The following B3GALT1 variants were observed in gnomAD, a reference collection of about 807,000 sequenced individuals.
B3GALT1 encodes UDP-Gal:betaGlcNAc beta 1,3-galactosyltransferase, polypeptide 1.
B3GALT1 carries 10 observed loss-of-function variants against 23.2 expected under a neutral mutation model. The ratio of observed to expected loss-of-function variants is 0.43; its 90% CI spans 0.27 to 0.73. B3GALT1 has a LOEUF of 0.73. B3GALT1 is among the 30% of genes least tolerant of loss of function. The probability of loss-of-function intolerance (pLI) is 0.21; values close to 1 mark genes in which losing one functional copy is unlikely to be tolerated. For synonymous variants in B3GALT1, 156 were observed against 141.5 expected, an observed-to-expected ratio of 1.10 and a Z score of -0.73; for missense variants, 299 against 405.4, an observed-to-expected ratio of 0.74 and a Z score of 2.25.
intron 3 of B3GALT1, among the ~76,000 whole-genome samples, chr2:167,750,307 G>A (rs1687715400): frequency 1.3e-5 from 2 of 152,278 alleles, no homozygotes; most frequent in South Asian, 2.1e-4. Context: ...TAGCAGCAGG[G>A]TGTGGCCAGA....
chr2:167,634,817 A>G (rs1685519639), intron 2 of B3GALT1, among the ~76,000 whole-genome samples: 1 of 152,134 alleles, frequency 6.6e-6, no homozygotes, highest in East Asian at 1.9e-4. Flanking sequence ...ATTCCAATCA[A>G]CAGTAAAAGA....
chr2:167,705,237 G>C (rs1051240601), intron 3 of B3GALT1, among the ~76,000 whole-genome samples: 1 of 152,256 alleles, frequency 6.6e-6, no homozygotes, highest in South Asian at 2.1e-4. Flanking sequence ...TGACTTGTGG[G>C]GTGATTTGTT....
intron 3 of B3GALT1, among the ~76,000 whole-genome samples, chr2:167,772,488 A>T (rs1216913140): frequency 6.6e-6 from 1 of 152,194 alleles, no homozygotes; most frequent in Non-Finnish European, 1.5e-5. Context: ...TTTGAACTCA[A>T]GGCAGTGTAA....
At chr2:167,388,683 A>G (rs1468896533) in intron 1 of B3GALT1, among the ~76,000 whole-genome samples, 1 of 152,218 alleles carries the variant, frequency 6.6e-6, no homozygotes, top group African/African-American at 2.4e-5. Flanking sequence ...GAGTTTTGAA[A>G]AAAAGACTTA....
chr2:167,867,017 C>T (rs1284950308), intron 4 of B3GALT1, among the ~76,000 whole-genome samples: 8 of 152,100 alleles, frequency 5.3e-5, no homozygotes, highest in Non-Finnish European at 1.2e-4. Context: ...AGCTCCACCT[C>T]CTGGATTCAG....
At chr2:167,567,960 G>A (rs1179535420) in intron 2 of B3GALT1, among the ~76,000 whole-genome samples, 1 of 152,022 alleles carries the variant, frequency 6.6e-6, no homozygotes, top group Non-Finnish European at 1.5e-5. Flanking sequence ...TTTCCAGAAT[G>A]TCATATAATT....
intron 1 of B3GALT1, among the ~76,000 whole-genome samples, chr2:167,322,668 A>G (rs947539892): frequency 1.3e-5 from 2 of 151,992 alleles, no homozygotes; most frequent in African/African-American, 2.4e-5. Flanking sequence ...ATTCTTATCA[A>G]TTTCCTTGAA....
intron 2 of B3GALT1, among the ~76,000 whole-genome samples, chr2:167,491,998 A>G (rs1002908003): frequency 3.3e-5 from 5 of 152,198 alleles, no homozygotes; most frequent in African/African-American, 7.2e-5. Flanking sequence ...ACTAAAGTCC[A>G]TAGTTGCATA....
intron 3 of B3GALT1, among the ~76,000 whole-genome samples, chr2:167,760,402 GA>G (rs1482999380): frequency 2.0e-5 from 3 of 152,146 alleles, no homozygotes; most frequent in African/African-American, 7.2e-5. Context: ...CTGGGTATGG[GA>G]AAATGCATTG....
rs144157066 is a variant in B3GALT1 at position 167,420,002 on chromosome 2, T to G, written c.-510-70175T>G. On this transcript the variant is annotated intron_variant, in intron 1 of 4. Coordinates refer to ENST00000392690, the MANE Select transcript of B3GALT1 (RefSeq NM_020981.4). ...GTATTTAAAACATAATTAAATATCA[T>G]CTTGATGGGATCCCTCTTATAAGAT... Among the ~76,000 whole-genome samples, 730 of 152,342 alleles carry G rather than the reference T, an allele frequency of 4.8e-3. 5 individuals carry two copies. Among genetic ancestry groups the G allele is most frequent in the East Asian group, 0.018 (94 of 5,192 alleles).
intron 1 of B3GALT1, among the ~76,000 whole-genome samples, chr2:167,348,479 G>T (rs150434780): frequency 6.6e-6 from 1 of 152,154 alleles, no homozygotes; most frequent in East Asian, 1.9e-4. Context: ...CTTAAGATTT[G>T]CCAGAAAATT....
At position 167,567,139 on chromosome 2, in the gene B3GALT1, CCTT is replaced by C. The variant is rs574095860; in HGVS notation, c.-410+76865_-410+76867del. The stretch of plus-strand genomic sequence containing the variant: ...CCTGTATAGTATATGAATCTTCTCT[CCTT>C]CTCTTTTTCTTGAAGCTGAGGAGAG... On this transcript the variant is annotated intron_variant, in intron 2 of 4. Transcript: ENST00000392690. Among the ~76,000 whole-genome samples the C allele has an allele frequency of 9.0e-4, 137 of 152,166 alleles. 2 individuals carry two copies. Among genetic ancestry groups the C allele is most frequent in the African/African-American group, 3.1e-3 (127 of 41,500 alleles).
chr2:167,373,812 G>A (rs1455993989), intron 1 of B3GALT1, among the ~76,000 whole-genome samples: 1 of 152,112 alleles, frequency 6.6e-6, no homozygotes, highest in Non-Finnish European at 1.5e-5. Context: ...ATCTGCCTCG[G>A]CTTCCCAAAG....
chr2:167,302,372 A>G (rs1696463744), intron 1 of B3GALT1, among the ~76,000 whole-genome samples: 1 of 152,134 alleles, frequency 6.6e-6, no homozygotes, highest in South Asian at 2.1e-4. Flanking sequence ...AAATGGGTGA[A>G]ATGATAATGG....
At chr2:167,607,887 C>T (rs1684994321) in intron 2 of B3GALT1, among the ~76,000 whole-genome samples, 1 of 152,148 alleles carries the variant, frequency 6.6e-6, no homozygotes, top group Non-Finnish European at 1.5e-5. Context: ...CATACTTTAA[C>T]ACTCCTGTGG....
chr2:167,784,655 A>G (rs780554311), intron 3 of B3GALT1, among the ~76,000 whole-genome samples: 1 of 152,236 alleles, frequency 6.6e-6, no homozygotes, highest in Non-Finnish European at 1.5e-5. Context: ...AAACTTTAGA[A>G]CTTTAATATG....
At chr2:167,655,663 G>A (rs1303032140) in intron 3 of B3GALT1, among the ~76,000 whole-genome samples, 1 of 152,086 alleles carries the variant, frequency 6.6e-6, no homozygotes, top group Non-Finnish European at 1.5e-5. Flanking sequence ...CTTTATCTGT[G>A]TGGTACAGAT....
At chr2:167,777,927 A>G (rs1688188853) in intron 3 of B3GALT1, among the ~76,000 whole-genome samples, 1 of 151,892 alleles carries the variant, frequency 6.6e-6, no homozygotes, top group African/African-American at 2.4e-5. Flanking sequence ...AACAGGAAGC[A>G]TGGTGCTGTG....
intron 1 of B3GALT1, among the ~76,000 whole-genome samples, chr2:167,483,069 A>G (rs1428298505): frequency 2.6e-5 from 4 of 152,006 alleles, no homozygotes; most frequent in African/African-American, 9.7e-5. Flanking sequence ...GGAGGCAGGC[A>G]GATCACCTGA....
Sources: gnomAD v4.1 joint callset for allele counts (sites outside exome capture counted in the v4.1 genomes callset) on GRCh38, gnomAD v4.1.1 for gene constraint, MANE v1.5 for transcripts, NCBI Gene and HGNC (gene_info 2026-07-23, HGNC 2026-07-21) for gene names.